Variants in SBF2 observed in about 807,000 individuals in gnomAD.
The protein encoded by SBF2 is myotubularin-related protein 13.
In SBF2, 112 loss-of-function variants were observed where a neutral mutation model predicts 225.2. That is an observed-to-expected ratio of 0.50 (90% CI 0.43 to 0.58). The LOEUF is 0.58. Ranked by LOEUF, SBF2 falls within the 20% of genes least tolerant of loss-of-function variation. The pLI, the probability that SBF2 is intolerant of heterozygous loss-of-function variation, is 0.00. For missense variants in SBF2, 1,996 were observed against 2,206.2 expected (o/e 0.90, Z 1.91); for synonymous variants, 763 against 773.3 (o/e 0.99, Z 0.22).
chr11:9,841,220 T>C (rs1316258901), intron 25 of SBF2, among the ~76,000 whole-genome samples: 1 of 152,214 alleles, frequency 6.6e-6, no homozygotes, highest in East Asian at 1.9e-4. Context: ...GTATCAATTC[T>C]GTGTTGGCCT....
Position 9,989,541 on chromosome 11 carries a change from T to C in SBF2, c.1351A>G (p.Met451Val), listed in dbSNP as rs760991977. The change falls in exon 13 of 40, where the codon ATG becomes GTG. Residue 451 changes from methionine (M) to valine (V), a missense_variant. Coordinates refer to ENST00000256190, the MANE Select transcript of SBF2 (RefSeq NM_030962.4). ...IKVEENNPVK[M>V]IKHVRELAEQ... ...GCAAGTTCCCTGACATGCTTTATCATCTTCACTGGGTTATTTTCTTCAACT... is the reference window on the plus strand; with the variant it reads ...GCAAGTTCCCTGACATGCTTTATCACCTTCACTGGGTTATTTTCTTCAACT... The C allele has an allele frequency of 1.9e-6, 3 of 1,610,942 alleles. No homozygotes were observed. The highest frequency in any genetic ancestry group is 1.7e-6 in the Non-Finnish European group (2 of 1,177,728).
At chr11:9,855,880 C>G (rs1005396427) in intron 19 of SBF2, among the ~76,000 whole-genome samples, 1 of 152,150 alleles carries the variant, frequency 6.6e-6, no homozygotes, top group East Asian at 1.9e-4. Flanking sequence ...GGATGTGAGG[C>G]AGGAATATGC....
intron 25 of SBF2, among the ~76,000 whole-genome samples, chr11:9,841,818 G>A (rs567138329): frequency 6.6e-6 from 1 of 152,344 alleles, no homozygotes; most frequent in South Asian, 2.1e-4. Context: ...ACAGGCATGA[G>A]CCACTGCGCC....
chr11:9,833,129 A>G (rs1855497102), intron 26 of SBF2, among the ~76,000 whole-genome samples: 1 of 152,222 alleles, frequency 6.6e-6, no homozygotes, highest in South Asian at 2.1e-4. Context: ...TGAAAGGCTT[A>G]AAAACCAAAA....
chr11:10,244,935 C>T (rs890527556), intron 1 of SBF2, among the ~76,000 whole-genome samples: 5 of 151,704 alleles, frequency 3.3e-5, no homozygotes, highest in South Asian at 4.2e-4. Flanking sequence ...CAGAAGTTCA[C>T]GACAGCCTGG....
At chr11:10,081,487 G>A (rs183193028) in intron 2 of SBF2, among the ~76,000 whole-genome samples, 10 of 152,226 alleles carry the variant, frequency 6.6e-5, no homozygotes, top group Middle Eastern at 3.4e-3. Flanking sequence ...GGCTGGGCAC[G>A]GTAGCTCACA....
At chr11:9,784,979 C>T in intron 37 of SBF2, 146 bp downstream of exon 37, 1 of 789,914 alleles carries the variant, frequency 1.3e-6, no homozygotes, top group Non-Finnish European at 2.1e-6. Context: ...AAAGAAACAT[C>T]TAAAACATTA....
In SBF2 at chr11:9,833,627, A is replaced by G. The variant is rs186117584; in HGVS notation, c.3456-1207T>C. On this transcript the variant is annotated intron_variant, in intron 26 of 39. Transcript: ENST00000256190. Reference sequence around the variant, plus strand: ...AATAGAGACGGGGTTTCACCGTGTTAGCCAGGATGGTCTCGATCTCCTGAC... The same window carrying G: ...AATAGAGACGGGGTTTCACCGTGTTGGCCAGGATGGTCTCGATCTCCTGAC... Among the ~76,000 whole-genome samples the G allele has an allele frequency of 8.7e-4, 132 of 152,074 alleles. No homozygotes were observed. In the East Asian group the frequency reaches 0.011, roughly 13 times the overall value.
chr11:9,959,905 T>G, intron 16 of SBF2: 1 of 370,212 alleles, frequency 2.7e-6, no homozygotes, highest in South Asian at 2.6e-5. Flanking sequence ...TCTCCCATTC[T>G]CGGCTCTGCC....
At chr11:9,935,668 C>A (rs1864844886) in intron 16 of SBF2, among the ~76,000 whole-genome samples, 1 of 152,190 alleles carries the variant, frequency 6.6e-6, no homozygotes, top group African/African-American at 2.4e-5. Flanking sequence ...CTACAACCAT[C>A]TGATCTTTGA....
At chr11:10,054,291 T>C (rs1011214004) in intron 2 of SBF2, among the ~76,000 whole-genome samples, 28 of 152,192 alleles carry the variant, frequency 1.8e-4, no homozygotes, top group Non-Finnish European at 3.8e-4. Flanking sequence ...CTAAACACTG[T>C]TTCAACTAGT....
rs554731874 is a variant in SBF2 at position 10,067,337 on chromosome 11, C to T, written c.142-24356G>A. Among the ~76,000 whole-genome samples, 11 of 152,148 alleles carry T rather than the reference C, an allele frequency of 7.2e-5. No individual in the cohort carries two copies. In the East Asian group the frequency reaches 2.1e-3, roughly 29 times the overall value. ...CTACAGATTTGATGCAATCCCAGTC[C>T]AAGTGTCACCAGGTTTTTTGGTTGT... On this transcript the variant is annotated intron_variant, in intron 2 of 39. Transcript: ENST00000256190.
At chr11:9,826,787 TTTTG>T (rs1564887852) in intron 28 of SBF2, among the ~76,000 whole-genome samples, 4 of 151,602 alleles carry the variant, frequency 2.6e-5, no homozygotes, top group Non-Finnish European at 5.9e-5. Flanking sequence ...ACACACACAC[TTTTG>T]TTTATTTTTT....
At chr11:10,188,312 C>T (rs533236724) in intron 2 of SBF2, among the ~76,000 whole-genome samples, 1 of 152,252 alleles carries the variant, frequency 6.6e-6, no homozygotes, top group South Asian at 2.1e-4. Context: ...GGTGATATGA[C>T]AGACAAGCAC....
intron 1 of SBF2, among the ~76,000 whole-genome samples, chr11:10,261,185 C>T (rs370966770): frequency 1.3e-5 from 2 of 151,974 alleles, no homozygotes; most frequent in Non-Finnish European, 2.9e-5. Flanking sequence ...TATAGAGTAA[C>T]TGAAATTCTC....
At chr11:10,263,282 C>T (rs1288891274) in intron 1 of SBF2, among the ~76,000 whole-genome samples, 1 of 151,702 alleles carries the variant, frequency 6.6e-6, no homozygotes, top group African/African-American at 2.4e-5. Context: ...ACATTTTTAT[C>T]CCCCAAAGAA....
At chr11:10,022,888 T>G (rs1378139206) in intron 6 of SBF2, among the ~76,000 whole-genome samples, 1 of 152,158 alleles carries the variant, frequency 6.6e-6, no homozygotes, top group African/African-American at 2.4e-5. Context: ...GTTTAATGTG[T>G]TCCTCTATTT....
At position 9,812,641 on chromosome 11, in the gene SBF2, A is replaced by G; in HGVS notation, c.4046T>C (p.Val1349Ala). Residue 1349 changes from valine (V) to alanine (A), a missense_variant, in exon 30 of 40, where the codon GTG (valine) becomes GCG (alanine). Coordinates refer to ENST00000256190, the MANE Select transcript of SBF2 (RefSeq NM_030962.4). ...CATCAGCTTCTTAAAACTGGCTTTC[A>G]CTTGCCGGATTTCATGAAATTCAAC... Reference protein sequence around the residue: ...VPVEFHEIRQVKASFKKLMRA... With the variant: ...VPVEFHEIRQAKASFKKLMRA... 6.2e-7 allele frequency: 1 copy of G among 1,614,200 alleles called. No homozygotes were observed. Among genetic ancestry groups the G allele is most frequent in the African/African-American group, 1.3e-5 (1 of 75,050 alleles).
At chr11:10,164,089 T>C (rs1329706402) in intron 2 of SBF2, among the ~76,000 whole-genome samples, 1 of 152,178 alleles carries the variant, frequency 6.6e-6, no homozygotes, top group Non-Finnish European at 1.5e-5. Context: ...GCATTCCATA[T>C]TCAATTAGTC....
Sources: gnomAD v4.1 joint callset for allele counts (sites outside exome capture counted in the v4.1 genomes callset) on GRCh38, gnomAD v4.1.1 for gene constraint, MANE v1.5 for transcripts, NCBI Gene and HGNC (gene_info 2026-07-23, HGNC 2026-07-21) for gene names.